The following DACH1 variants were observed in gnomAD, a reference collection of about 807,000 sequenced individuals.
DACH1 encodes dachshund family transcription factor 1.
DACH1 carries 12 observed loss-of-function variants against 54.2 expected under a neutral mutation model. The ratio of observed to expected loss-of-function variants is 0.22; its 90% confidence interval spans 0.14 to 0.36. DACH1 has a LOEUF of 0.36. DACH1 is among the 10% of genes least tolerant of loss of function. DACH1 has a pLI of 1.00. For missense variants in DACH1, 805 were observed against 929.8 expected (o/e 0.87, Z 1.75); for synonymous variants, 386 against 366.2 (o/e 1.05, Z -0.62).
At chr13:71,545,233 C>T (rs1453425636) in intron 6 of DACH1, among the ~76,000 whole-genome samples, 1 of 151,838 alleles carries the variant, frequency 6.6e-6, no homozygotes, top group Non-Finnish European at 1.5e-5. Context: ...AAGTCTAATC[C>T]CGAGGATATT....
At position 71,488,458 on chromosome 13, in the gene DACH1, C is replaced by T. The variant is rs537959910; in HGVS notation, c.1722+539G>A. ...CATCCTGAGGACCACATAGGAAATCCGTGGAAAGTTTGGTAAGGCTTTTTG... is the reference window on the plus strand; with the variant it reads ...CATCCTGAGGACCACATAGGAAATCTGTGGAAAGTTTGGTAAGGCTTTTTG... On this transcript the variant is annotated intron_variant, in intron 7 of 10. Coordinates refer to ENST00000613252, the MANE Select transcript of DACH1 (RefSeq NM_080759.6). 1.8e-4 allele frequency among the ~76,000 whole-genome samples: 27 copies of T among 152,086 alleles called. No individual in the cohort carries two copies. The East Asian group carries it at 4.8e-3, about 27-fold the overall frequency.
intron 1 of DACH1, among the ~76,000 whole-genome samples, chr13:71,782,993 G>A (rs900706229): frequency 6.6e-6 from 1 of 152,082 alleles, no homozygotes; most frequent in African/African-American, 2.4e-5. Context: ...TAAGAGACTG[G>A]CATTGACAGT....
chr13:71,603,684 G>C (rs967119222), intron 3 of DACH1, among the ~76,000 whole-genome samples: 3 of 151,640 alleles, frequency 2.0e-5, no homozygotes, highest in Non-Finnish European at 4.4e-5. Flanking sequence ...TTATATGTTG[G>C]CCAGTTTTAA....
intron 1 of DACH1, among the ~76,000 whole-genome samples, chr13:71,793,816 C>T (rs1404292893): frequency 2.6e-5 from 4 of 152,166 alleles, no homozygotes; most frequent in African/African-American, 7.2e-5. Context: ...CGTGAGCCAC[C>T]ATGCCTAGCC....
chr13:71,493,301 A>G (rs1293305366), intron 6 of DACH1, among the ~76,000 whole-genome samples: 1 of 152,104 alleles, frequency 6.6e-6, no homozygotes, highest in Non-Finnish European at 1.5e-5. Context: ...ACATGCAACA[A>G]GGGACTGAGG....
intron 1 of DACH1, among the ~76,000 whole-genome samples, chr13:71,777,431 T>C (rs1886110112): frequency 1.3e-5 from 2 of 152,098 alleles, no homozygotes; most frequent in South Asian, 4.1e-4. Context: ...TTTTCAAAAA[T>C]TTTATGGTAC....
Position 71,866,945 on chromosome 13 carries a change from A to C in DACH1, c.-176T>G. The C allele has an allele frequency of 6.3e-6, 3 of 477,842 alleles. No individual in the cohort carries two copies. Among genetic ancestry groups the C allele is most frequent in the Non-Finnish European group, 1.0e-5 (3 of 299,730 alleles). The allele number at this position is 477,842 out of a possible 1,614,324, so 29.6% of individuals were successfully genotyped here. On this transcript the variant is annotated 5_prime_UTR_variant, in exon 1 of 11. Coordinates refer to ENST00000613252, the MANE Select transcript of DACH1 (RefSeq NM_080759.6). Reference sequence around the variant, plus strand: ...GGGAGAAAAGGAGGTGAAGGTAATAAAGAGCGAGCGCAAGAGGGGCGAGCA... The same window carrying C: ...GGGAGAAAAGGAGGTGAAGGTAATACAGAGCGAGCGCAAGAGGGGCGAGCA...
intron 1 of DACH1, among the ~76,000 whole-genome samples, chr13:71,782,600 T>C (rs1195425213): frequency 6.6e-6 from 1 of 152,182 alleles, no homozygotes; most frequent in Non-Finnish European, 1.5e-5. Context: ...AAGTGAATAG[T>C]TTCTTTACAA....
At chr13:71,606,417 C>A (rs922011068) in intron 3 of DACH1, among the ~76,000 whole-genome samples, 1 of 151,808 alleles carries the variant, frequency 6.6e-6, no homozygotes, top group Admixed American at 6.6e-5. Context: ...AAAGAATCTA[C>A]AATAGAACTA....
chr13:71,653,356 A>C (rs1878815906), intron 2 of DACH1, among the ~76,000 whole-genome samples: 1 of 152,236 alleles, frequency 6.6e-6, no homozygotes, highest in African/African-American at 2.4e-5. Context: ...CAAAAGAACA[A>C]CAAAACAATC....
chr13:71,719,556 A>G (rs1351501214), intron 1 of DACH1, among the ~76,000 whole-genome samples: 1 of 152,114 alleles, frequency 6.6e-6, no homozygotes, highest in Non-Finnish European at 1.5e-5. Context: ...GTATTATTCT[A>G]TTACCTATAT....
At chr13:71,689,619 T>G (rs1251684320) in intron 1 of DACH1, among the ~76,000 whole-genome samples, 1 of 152,108 alleles carries the variant, frequency 6.6e-6, no homozygotes, top group Non-Finnish European at 1.5e-5. Flanking sequence ...TACAAGAAAT[T>G]TATTTAATAT....
intron 1 of DACH1, among the ~76,000 whole-genome samples, chr13:71,779,434 C>T (rs148666979): frequency 1.1e-3 from 169 of 150,618 alleles, no homozygotes; most frequent in African/African-American, 3.7e-3. Context: ...ACCCTTTTAA[C>T]ATCACCATTT....
At chr13:71,791,824 T>C (rs777382052) in intron 1 of DACH1, among the ~76,000 whole-genome samples, 1 of 152,234 alleles carries the variant, frequency 6.6e-6, no homozygotes, top group Non-Finnish European at 1.5e-5. Flanking sequence ...TGTTTAAGTA[T>C]ATAAAGAAGC....
At chr13:71,646,562 T>A (rs774130352) in intron 2 of DACH1, among the ~76,000 whole-genome samples, 1 of 152,170 alleles carries the variant, frequency 6.6e-6, no homozygotes, top group African/African-American at 2.4e-5. Context: ...GTGAACACTA[T>A]CTACAAGTTT....
intron 2 of DACH1, among the ~76,000 whole-genome samples, chr13:71,632,142 A>G (rs1183148178): frequency 1.3e-5 from 2 of 152,060 alleles, no homozygotes; most frequent in African/African-American, 2.4e-5. Context: ...GACAAAAAAA[A>G]AGAAAAGAAA....
intron 3 of DACH1, among the ~76,000 whole-genome samples, chr13:71,606,371 T>C (rs562871990): frequency 1.5e-4 from 23 of 152,032 alleles, no homozygotes; most frequent in Non-Finnish European, 3.2e-4. Flanking sequence ...GAAAAAATAT[T>C]AGTAGATGTT....
intron 1 of DACH1, among the ~76,000 whole-genome samples, chr13:71,862,988 A>G (rs1874456112): frequency 6.6e-6 from 1 of 152,060 alleles, no homozygotes; most frequent in Admixed American, 6.6e-5. Flanking sequence ...CTTATACTCT[A>G]CATAAATTAC....
At chr13:71,602,079 A>G (rs1448455618) in intron 3 of DACH1, among the ~76,000 whole-genome samples, 1 of 152,056 alleles carries the variant, frequency 6.6e-6, no homozygotes, top group Non-Finnish European at 1.5e-5. Flanking sequence ...ATATCAGGCT[A>G]TGGATACCTG....
Sources: gnomAD v4.1 joint callset for allele counts (sites outside exome capture counted in the v4.1 genomes callset) on GRCh38, gnomAD v4.1.1 for gene constraint, MANE v1.5 for transcripts, NCBI Gene and HGNC (gene_info 2026-07-23, HGNC 2026-07-21) for gene names.